The following VPS33A variants were observed in gnomAD, a reference collection of about 807,000 sequenced individuals.
The protein encoded by VPS33A is VPS33A core subunit of CORVET and HOPS complexes.
Under a neutral mutation model 71.8 loss-of-function variants are expected in VPS33A, and 32 were observed. That is an observed-to-expected ratio of 0.45 (90% CI 0.34 to 0.60). The LOEUF (loss-of-function observed/expected upper bound fraction) is 0.60, where lower values mean the gene tolerates loss of function less well. Among genes scored for constraint, VPS33A ranks in the 20% least tolerant of loss-of-function variants. The probability of loss-of-function intolerance (pLI) is 0.02; values close to 1 mark genes in which losing one functional copy is unlikely to be tolerated. For synonymous variants in VPS33A, 311 were observed against 292.7 expected (o/e 1.06, Z -0.64); for missense variants, 625 against 748.5 (o/e 0.84, Z 1.92).
intron 5 of VPS33A, among the ~76,000 whole-genome samples, chr12:122,250,417 C>A (rs972836004): frequency 6.6e-6 from 1 of 152,182 alleles, no homozygotes; most frequent in Non-Finnish European, 1.5e-5. Context: ...TTGATCAATA[C>A]GTAACCCAGT....
rs1954541364 is a variant in VPS33A at position 122,230,184 on chromosome 12, T to TCATTATAATAATAA, written c.*2061_*2062insTTATTATTATAATG. 6.6e-6 allele frequency: 1 copy of TCATTATAATAATAA among 152,228 alleles called. No individual in the cohort carries two copies. Among genetic ancestry groups the TCATTATAATAATAA allele is most frequent in the South Asian group, 2.1e-4 (1 of 4,836 alleles). The allele number at this position is 152,228 out of a possible 1,614,324, so 9.4% of individuals were successfully genotyped here. A position where few individuals can be genotyped will look rare whatever the true frequency, so the allele number is the denominator to read the frequency against. On this transcript the variant is annotated 3_prime_UTR_variant, in exon 13 of 13. Transcript: ENST00000267199. ...AATTAATTCCATGAGAAACTAATCTTTCAATTATTATCTCTGCCACTCTTC... is the reference window on the plus strand; with the variant it reads ...AATTAATTCCATGAGAAACTAATCTTCATTATAATAATAATCAATTATTATCTCTGCCACTCTTC...
chr12:122,244,775 G>T lies in VPS33A; in HGVS notation c.776-13C>A. The T allele has an allele frequency of 6.2e-7, 1 of 1,605,200 alleles. No individual in the cohort carries two copies. The highest frequency in any genetic ancestry group is 8.5e-7 in the Non-Finnish European group (1 of 1,173,322). On this transcript the variant is annotated splice_polypyrimidine_tract_variant and intron_variant, in intron 6 of 12. Transcript: ENST00000267199. The stretch of plus-strand genomic sequence containing the variant: ...AATTTCACATAACCTGAGCAGCAGT[G>T]GAAGGGAATAAGCACCTGTGTGCAA...
intron 11 of VPS33A, among the ~76,000 whole-genome samples, chr12:122,235,161 T>C (rs544327110): frequency 2.6e-5 from 4 of 152,118 alleles, no homozygotes; most frequent in Admixed American, 2.0e-4. Context: ...GGTTTTGCCA[T>C]GTTGCCCAGG....
At chr12:122,244,470 G>A in intron 7 of VPS33A, 99 bp downstream of exon 7, 5 of 1,071,526 alleles carry the variant, frequency 4.7e-6, no homozygotes, top group Non-Finnish European at 6.5e-6. Context: ...ATTGAAGCCT[G>A]GTTTAATGGC....
At chr12:122,265,923 G>A (rs1955062150) in intron 1 of VPS33A, among the ~76,000 whole-genome samples, 1 of 152,206 alleles carries the variant, frequency 6.6e-6, no homozygotes, top group Non-Finnish European at 1.5e-5. Flanking sequence ...TGTTTCAAGA[G>A]AGCTTCTAAG....
intron 1 of VPS33A, among the ~76,000 whole-genome samples, chr12:122,265,238 C>T (rs1204225701): frequency 3.3e-5 from 5 of 152,012 alleles, no homozygotes; most frequent in Admixed American, 6.6e-5. Flanking sequence ...AGAGAAAATC[C>T]TTAAAAGCTC....
intron 4 of VPS33A, among the ~76,000 whole-genome samples, chr12:122,255,046 G>C (rs1417887895): frequency 8.0e-6 from 1 of 124,380 alleles, no homozygotes; most frequent in Non-Finnish European, 1.6e-5. Flanking sequence ...GTGAAACTCA[G>C]TTTCAAGGAA....
Position 122,263,631 on chromosome 12 carries a change from T to C in VPS33A, c.237A>G (p.Ile79Met). Residue 79 changes from isoleucine (I) to methionine (M), a missense_variant, in exon 3 of 13, where the codon ATA becomes ATG. Coordinates refer to ENST00000267199, the MANE Select transcript of VPS33A (RefSeq NM_022916.6). ...NRLPAADVKN[I>M]IFFVRPRLEL... Reference sequence around the variant, plus strand: ...CTAGCCTGGGTCTGACAAAAAAAATTATATTCTTCACATCAGCTGCCGGCA... The same window carrying C: ...CTAGCCTGGGTCTGACAAAAAAAATCATATTCTTCACATCAGCTGCCGGCA... 2 of 1,613,228 alleles carry C rather than the reference T, an allele frequency of 1.2e-6. No individual in the cohort carries two copies. The highest frequency in any genetic ancestry group is 1.7e-6 in the Non-Finnish European group (2 of 1,179,368).
chr12:122,258,095 T>C (rs1464197178), intron 4 of VPS33A, among the ~76,000 whole-genome samples: 2 of 151,934 alleles, frequency 1.3e-5, no homozygotes, highest in African/African-American at 4.8e-5. Context: ...ACATAAGATG[T>C]AGAAAAATTA....
In VPS33A at chr12:122,235,882, C is replaced by T. The variant is rs377372677; in HGVS notation, c.1344G>A (p.Glu448=). The part of the protein sequence containing the change: ...YEHILTLHNL[E]KAGLLKPQTG... Reference sequence around the variant, plus strand: ...TCTGCGGTTTCAGCAGGCCGGCCTTCTCCAGGTTGTGTAAGGTCAATATGT... The same window carrying T: ...TCTGCGGTTTCAGCAGGCCGGCCTTTTCCAGGTTGTGTAAGGTCAATATGT... Residue 448 remains glutamate, a synonymous_variant, in exon 11 of 13, where the codon GAG becomes GAA. Coordinates refer to ENST00000267199, the MANE Select transcript of VPS33A (RefSeq NM_022916.6). 3.1e-6 allele frequency: 5 copies of T among 1,613,724 alleles called. No individual in the cohort carries two copies. In the African/African-American group the frequency reaches 5.3e-5, roughly 17 times the overall value.
intron 10 of VPS33A, 70 bp downstream of exon 10, chr12:122,238,517 C>T (rs1327271833): frequency 1.5e-5 from 23 of 1,533,170 alleles, no homozygotes; most frequent in African/African-American, 1.4e-4. Flanking sequence ...CCACTGTGCC[C>T]GGCCCATGAA....
Position 122,242,401 on chromosome 12 carries a change from T to C in VPS33A, c.1077A>G (p.Glu359=). ...ACTCACTAGTGACATCTTTGATCAA[T>C]TCTGCAATTGAGGTATGGTTTGCAA... ...GSLANHTSIA[E]LIKDVTTSED... Residue 359 remains glutamate (E), a synonymous_variant, in exon 8 of 13, where the codon GAA becomes GAG. Transcript: ENST00000267199. The C allele has an allele frequency of 1.2e-6, 2 of 1,614,018 alleles. No individual in the cohort carries two copies. The highest frequency in any genetic ancestry group is 1.1e-5 in the South Asian group (1 of 91,078).
At chr12:122,259,183 A>ATG (rs763092081) in intron 4 of VPS33A, among the ~76,000 whole-genome samples, 13 of 103,022 alleles carry the variant, frequency 1.3e-4, no homozygotes, top group African/African-American at 4.1e-4. Context: ...GTGTGTATGT[A>ATG]TGTGTGTATG....
intron 3 of VPS33A, 114 bp from the exon 4 acceptor site, chr12:122,261,561 A>G: frequency 8.5e-6 from 8 of 936,998 alleles, no homozygotes; most frequent in African/African-American, 1.7e-5. Flanking sequence ...TGCTGGCTAG[A>G]TAAATCATAT....
chr12:122,262,473 G>C (rs895827795), intron 3 of VPS33A, among the ~76,000 whole-genome samples: 4 of 152,162 alleles, frequency 2.6e-5, no homozygotes, highest in Non-Finnish European at 4.4e-5. Flanking sequence ...CTCCTTGACA[G>C]AGAACTTCCA....
At position 122,235,931 on chromosome 12, in the gene VPS33A, G is replaced by A. The variant is rs1349963038; in HGVS notation, c.1303-8C>T. The A allele has an allele frequency of 6.3e-7, 1 of 1,595,876 alleles. No individual in the cohort carries two copies. Among genetic ancestry groups the A allele is most frequent in the African/African-American group, 1.4e-5 (1 of 73,888 alleles). On this transcript the variant is annotated splice_polypyrimidine_tract_variant and splice_region_variant and intron_variant, in intron 10 of 12. Transcript: ENST00000267199. ...GTGCTCATAGCCGTATGTCTGCAAG[G>A]GAAGTCATTTGGCCTTGATGTCAGA...
At chr12:122,237,257 A>G (rs1352486825) in intron 10 of VPS33A, among the ~76,000 whole-genome samples, 1 of 152,204 alleles carries the variant, frequency 6.6e-6, no homozygotes, top group East Asian at 1.9e-4. Context: ...AAATTTGCAG[A>G]AAGTTCTTTT....
At chr12:122,252,509 ATCC>A (rs1252311979) in intron 4 of VPS33A, among the ~76,000 whole-genome samples, 1 of 151,890 alleles carries the variant, frequency 6.6e-6, no homozygotes, top group East Asian at 1.9e-4. Flanking sequence ...TGACCTCGTG[ATCC>A]GCCCACCTCG....
chr12:122,253,163 C>A (rs575628108), intron 4 of VPS33A: 1 of 152,144 alleles, frequency 6.6e-6, no homozygotes, highest in African/African-American at 2.4e-5. Flanking sequence ...TATATTTTAA[C>A]GTTTCCCTGA....
Sources: gnomAD v4.1 joint callset for allele counts (sites outside exome capture counted in the v4.1 genomes callset) on GRCh38, gnomAD v4.1.1 for gene constraint, MANE v1.5 for transcripts, NCBI Gene and HGNC (gene_info 2026-07-23, HGNC 2026-07-21) for gene names.